Variants in ZNF180 observed in about 807,000 individuals in gnomAD.
ZNF180 encodes the protein zinc finger protein 180, also known as zinc finger protein 180 (HHZ168).
In ZNF180, 11 loss-of-function variants were observed where a neutral mutation model predicts 11.8. That is an observed-to-expected ratio of 0.93 (90% confidence interval 0.59 to 1.55). The LOEUF (loss-of-function observed/expected upper bound fraction) is 1.55, where lower values mean the gene tolerates loss of function less well. ZNF180 is among the 40% of genes most tolerant of loss of function. The pLI is 0.00. For missense variants in ZNF180, 773 were observed against 781.7 expected, an observed-to-expected ratio of 0.99 and a Z score of 0.13; for synonymous variants, 287 against 257.7, an observed-to-expected ratio of 1.11 and a Z score of -1.09.
At chr19:44,496,864 C>G (rs1005973007) in intron 2 of ZNF180, among the ~76,000 whole-genome samples, 1 of 152,100 alleles carries the variant, frequency 6.6e-6, no homozygotes, top group African/African-American at 2.4e-5. Context: ...ATTTACTTAA[C>G]ATAGGTAATA....
rs1269391972 is a variant in ZNF180, at chr19:44,497,359, G to A, written c.-25C>T. 6.3e-7 allele frequency: 1 copy of A among 1,597,302 alleles called. No individual in the cohort carries two copies. Among genetic ancestry groups the A allele is most frequent in the East Asian group, 2.3e-5 (1 of 43,330 alleles). ...TGCTCTCCTCCAGGCACAGCAGGGT[G>A]CTGAGGTCCTGAGCTGCACTGAGAG... On this transcript the variant is annotated 5_prime_UTR_variant, in exon 2 of 5. Transcript: ENST00000592529.
intron 2 of ZNF180, among the ~76,000 whole-genome samples, chr19:44,492,926 C>T (rs937528047): frequency 2.0e-5 from 3 of 152,164 alleles, no homozygotes; most frequent in Admixed American, 6.5e-5. Flanking sequence ...AGGGATATGG[C>T]GTCCACAGGG....
At chr19:44,494,460 T>C (rs1970527625) in intron 2 of ZNF180, among the ~76,000 whole-genome samples, 4 of 152,006 alleles carry the variant, frequency 2.6e-5, no homozygotes, top group Admixed American at 2.6e-4. Context: ...ATCCCAGGAG[T>C]TCGAGACCAG....
At chr19:44,490,058 G>GC (rs1970402041) in intron 2 of ZNF180, among the ~76,000 whole-genome samples, 4 of 129,012 alleles carry the variant, frequency 3.1e-5, no homozygotes, top group East Asian at 5.9e-4. Context: ...AAGGGAAAGA[G>GC]GGAAAGGAAG....
Position 44,497,353 on chromosome 19 carries a change from C to G in ZNF180, c.-19G>C. ...CTTCCATGCTCTCCTCCAGGCACAG[C>G]AGGGTGCTGAGGTCCTGAGCTGCAC... On this transcript the variant is annotated 5_prime_UTR_variant, in exon 2 of 5. Coordinates refer to ENST00000592529, the MANE Select transcript of ZNF180 (RefSeq NM_001278509.3). 5 of 1,597,476 alleles carry G rather than the reference C, an allele frequency of 3.1e-6. No homozygotes were observed. The highest frequency in any genetic ancestry group is 4.3e-6 in the Non-Finnish European group (5 of 1,174,786).
chr19:44,481,760 G>A (rs1970086069), intron 3 of ZNF180, among the ~76,000 whole-genome samples: 1 of 152,164 alleles, frequency 6.6e-6, no homozygotes, highest in Non-Finnish European at 1.5e-5. Context: ...ATTTCAGTAA[G>A]TGAATGAACA....
chr19:44,479,991 G>C lies in ZNF180; in HGVS notation c.127-582C>G, dbSNP rs930240146. On this transcript the variant is annotated intron_variant, in intron 3 of 4. Coordinates refer to ENST00000592529, the MANE Select transcript of ZNF180 (RefSeq NM_001278509.3). The stretch of plus-strand genomic sequence containing the variant: ...AGACAGAAAATGAAATGTGGACCTC[G>C]ATGAAAAGCAGTATGTATAGGTGAA... 2.0e-5 allele frequency among the ~76,000 whole-genome samples: 3 copies of C among 152,182 alleles called. No individual in the cohort carries two copies. In the South Asian group the frequency reaches 6.2e-4, roughly 32 times the overall value.
chr19:44,480,381 A>G (rs534161352), intron 3 of ZNF180, among the ~76,000 whole-genome samples: 1 of 152,346 alleles, frequency 6.6e-6, no homozygotes, highest in African/African-American at 2.4e-5. Context: ...CTGGAATTAC[A>G]GGGATGAGCC....
rs147029357 is a variant in ZNF180, at chr19:44,495,999, G to A, written c.51+1285C>T. On this transcript the variant is annotated intron_variant, in intron 2 of 4. Coordinates refer to ENST00000592529, the MANE Select transcript of ZNF180 (RefSeq NM_001278509.3). The surrounding 1 kb of genome is among the most constrained non-coding windows in gnomAD (Gnocchi z 4.5). ...AATTAAGAGTTTTCAAAGAATATTT[G>A]CGGTGGGAAATGTTCTAAATTGTTA... Among the ~76,000 whole-genome samples the A allele has an allele frequency of 4.7e-3, 708 of 152,182 alleles. 2 individuals carry two copies. The highest frequency in any genetic ancestry group is 6.9e-3 in the Non-Finnish European group (471 of 67,990).
intron 2 of ZNF180, chr19:44,496,642 C>T (rs1970587654): frequency 8.3e-6 from 1 of 119,930 alleles, no homozygotes; most frequent in African/African-American, 3.3e-5. Flanking sequence ...CACTGCACTC[C>T]AACCTGGACG....
intron 2 of ZNF180, among the ~76,000 whole-genome samples, chr19:44,490,897 G>C (rs959700506): frequency 2.0e-5 from 3 of 152,194 alleles, no homozygotes; most frequent in African/African-American, 7.2e-5. Context: ...GTAGACTCTG[G>C]ATGAAATGTC....
Position 44,477,289 on chromosome 19 carries a change from A to T in ZNF180, c.1111T>A (p.Ser371Thr). 6.2e-7 allele frequency: 1 copy of T among 1,613,220 alleles called. No homozygotes were observed. Among genetic ancestry groups the T allele is most frequent in the Non-Finnish European group, 8.5e-7 (1 of 1,179,542 alleles). Reference protein sequence around the residue: ...KSFSRSSHLVSHQRTHTGEKP... With the variant: ...KSFSRSSHLVTHQRTHTGEKP... ...TCTCCAGTATGAGTTCTCTGATGGG[A>T]AACAAGGTGCGAGCTCCGGCTGAAG... Residue 371 changes from serine to threonine, a missense_variant, in exon 5 of 5, where the codon TCC (serine) becomes ACC (threonine). Physicochemically the swap from Ser to Thr is moderately conservative, Grantham distance 58. Coordinates refer to ENST00000592529, the MANE Select transcript of ZNF180 (RefSeq NM_001278509.3).
rs200243767 is a variant in ZNF180, at chr19:44,484,438, G to A, written c.52-3C>T. On this transcript the variant is annotated splice_polypyrimidine_tract_variant and splice_region_variant and intron_variant, in intron 2 of 4. Coordinates refer to ENST00000592529, the MANE Select transcript of ZNF180 (RefSeq NM_001278509.3). ...ATCTCTTGAGGAAGGAAAGAATCCT[G>A]AAAAGGCAAAACAGATGAGAAAAAG... 2.1e-4 allele frequency: 346 copies of A among 1,612,322 alleles called. 8 individuals are homozygous for A. In the South Asian group the frequency reaches 3.5e-3, roughly 16 times the overall value.
At chr19:44,491,051 C>T (rs1970437191) in intron 2 of ZNF180, among the ~76,000 whole-genome samples, 1 of 152,182 alleles carries the variant, frequency 6.6e-6, no homozygotes, top group Admixed American at 6.5e-5. Flanking sequence ...CTTGTCTGTC[C>T]TGTTTACCGT....
In ZNF180 at chr19:44,478,087, C is replaced by A. The variant is rs1341144826; in HGVS notation, c.313G>T (p.Glu105Ter). The A allele has an allele frequency of 1.9e-6, 3 of 1,600,782 alleles. No individual in the cohort carries two copies. The highest frequency in any genetic ancestry group is 2.6e-6 in the Non-Finnish European group (3 of 1,172,576). Residue 105 changes from glutamate to a stop codon, truncating the protein, a stop_gained, in exon 5 of 5, where the codon GAA (glutamate) becomes TAA (stop). Transcript: ENST00000592529. LOFTEE classifies it low-confidence loss of function (END_TRUNC). ...TCTATCTTCACTCCATTAGCTGGTT[C>A]TTCATCAAAAATCCTCTGCTTTGAA... The part of the protein sequence containing the change: ...STSKQRIFDE[E>*]PANGVKIERF...
intron 2 of ZNF180, among the ~76,000 whole-genome samples, chr19:44,490,268 C>T (rs1970418180): frequency 6.6e-6 from 1 of 152,182 alleles, no homozygotes; most frequent in South Asian, 2.1e-4. Flanking sequence ...AGTCCTCTTG[C>T]CTCAGCCTCC....
At chr19:44,492,932 C>G (rs560749716) in intron 2 of ZNF180, among the ~76,000 whole-genome samples, 2 of 152,326 alleles carry the variant, frequency 1.3e-5, no homozygotes, top group African/African-American at 4.8e-5. Flanking sequence ...ATGGCGTCCA[C>G]AGGGCCCATG....
intron 1 of ZNF180, chr19:44,500,063 A>G: frequency 7.5e-7 from 1 of 1,329,882 alleles, no homozygotes; most frequent in Non-Finnish European, 1.1e-6. Flanking sequence ...CAAGAGCACC[A>G]CCTGACCAAG....
Position 44,495,344 on chromosome 19 carries a change from C to A in ZNF180, c.51+1940G>T, listed in dbSNP as rs1970552080. Among the ~76,000 whole-genome samples the A allele has an allele frequency of 6.6e-6, 1 of 151,928 alleles. No individual in the cohort carries two copies. Among genetic ancestry groups the A allele is most frequent in the Non-Finnish European group, 1.5e-5 (1 of 67,964 alleles). ...TTAGGCTTTGACTCCCCGGGCTAGG[C>A]TGCCCCATCTCTCAGACTCACTCCT... On this transcript the variant is annotated intron_variant, in intron 2 of 4. Transcript: ENST00000592529. The surrounding 1 kb of genome is among the most constrained non-coding windows in gnomAD (Gnocchi z 4.5).
Sources: gnomAD v4.1 joint callset for allele counts (sites outside exome capture counted in the v4.1 genomes callset) on GRCh38, gnomAD v4.1.1 for gene constraint, Gnocchi (gnomAD v3.1) non-coding constraint, MANE v1.5 for transcripts, NCBI Gene and HGNC (gene_info 2026-07-23, HGNC 2026-07-21) for gene names.